The following DCAF1 variants were observed in gnomAD, a reference collection of about 807,000 sequenced individuals.
DCAF1 encodes the protein DDB1- and CUL4-associated factor 1.
Under a neutral mutation model 128.0 loss-of-function variants are expected in DCAF1, and 15 were observed. That is an observed-to-expected ratio of 0.12 (90% CI 0.08 to 0.18). The LOEUF is 0.18. DCAF1 is among the 10% of genes least tolerant of loss of function. The pLI is 1.00. For missense variants in DCAF1, 988 were observed against 1,649.5 expected, an observed-to-expected ratio of 0.60 and a Z score of 6.95; for synonymous variants, 610 against 603.0, an observed-to-expected ratio of 1.01 and a Z score of -0.17.
chr3:51,466,833 T>C lies in DCAF1; in HGVS notation c.231A>G (p.Ile77Met). 1 of 1,613,070 alleles carries C rather than the reference T, an allele frequency of 6.2e-7. No individual in the cohort carries two copies. The highest frequency in any genetic ancestry group is 1.1e-5 in the South Asian group (1 of 91,026). The change falls in exon 5 of 25, where the codon ATA (isoleucine) becomes ATG (methionine). Residue 77 changes from isoleucine (I) to methionine (M), a missense_variant. Transcript: ENST00000684031. ...PECMLGHLLR[I>M]LFKNDDFMNA... ...TCATGAAATCATCATTCTTGAAGAG[T>C]ATTCTCAGCAAGTGGCCCAGCATAC...
chr3:51,452,712 G>A (rs958502530), intron 6 of DCAF1, among the ~76,000 whole-genome samples: 3 of 152,062 alleles, frequency 2.0e-5, no homozygotes, highest in East Asian at 1.9e-4. Context: ...AAAAAGCCCC[G>A]TTAAATCATC....
At chr3:51,456,793 A>C (rs542899738) in intron 6 of DCAF1, among the ~76,000 whole-genome samples, 69 of 152,340 alleles carry the variant, frequency 4.5e-4, no homozygotes, top group African/African-American at 1.6e-3. Flanking sequence ...GCTGATACCC[A>C]GGCAAACAGG....
chr3:51,495,784 G>T (rs1553660529), intron 2 of DCAF1, among the ~76,000 whole-genome samples: 1 of 152,030 alleles, frequency 6.6e-6, no homozygotes. Context: ...TCGTTTTTTT[G>T]TGTTTGTTTT....
At chr3:51,452,466 A>G (rs144974151) in intron 6 of DCAF1, among the ~76,000 whole-genome samples, 1 of 152,314 alleles carries the variant, frequency 6.6e-6, no homozygotes, top group Non-Finnish European at 1.5e-5. Context: ...TCTGTTCTCT[A>G]AACACTGGAT....
chr3:51,405,391 A>G (rs2090034398), intron 23 of DCAF1, among the ~76,000 whole-genome samples: 3 of 152,240 alleles, frequency 2.0e-5, no homozygotes, highest in South Asian at 4.1e-4. Flanking sequence ...ACTAGATACC[A>G]TTCCAAACTC....
chr3:51,423,458 A>C, intron 13 of DCAF1, among the ~76,000 whole-genome samples: 1 of 151,112 alleles, frequency 6.6e-6, no homozygotes, highest in Middle Eastern at 3.4e-3. Context: ...GCTGAGATTG[A>C]GCCACCGCAC....
intron 3 of DCAF1, among the ~76,000 whole-genome samples, chr3:51,476,897 C>T (rs1183978592): frequency 2.0e-5 from 3 of 151,386 alleles, no homozygotes; most frequent in East Asian, 1.9e-4. Flanking sequence ...GCCTGGCCAA[C>T]GTGGTAAAAC....
In DCAF1 at chr3:51,413,973, T is replaced by C; in HGVS notation, c.3908A>G (p.His1303Arg). ...ALDQCRVVFN[H>R]TGTVMYGAML... ...ACCTCCATACATCACTGTTCCCGTGTGATTGAACACCACGCGACACTGATC... is the reference window on the plus strand; with the variant it reads ...ACCTCCATACATCACTGTTCCCGTGCGATTGAACACCACGCGACACTGATC... The change falls in exon 20 of 25, where the codon CAC becomes CGC. Residue 1303 changes from histidine (H) to arginine (R), a missense_variant. By Grantham distance (29) the His-to-Arg change is conservative (BLOSUM62 0). Around this residue, in one of 11 missense-constraint regions of DCAF1, gnomAD observed 85 missense variants for 204.6 expected, o/e 0.42. Transcript: ENST00000684031. The C allele has an allele frequency of 6.3e-7, 1 of 1,594,782 alleles. No individual in the cohort carries two copies. Among genetic ancestry groups the C allele is most frequent in the African/African-American group, 1.3e-5 (1 of 74,416 alleles).
chr3:51,420,526 C>T lies in DCAF1; in HGVS notation c.2444G>A (p.Arg815Gln). 1.2e-6 allele frequency: 2 copies of T among 1,613,878 alleles called. No individual in the cohort carries two copies. The highest frequency in any genetic ancestry group is 8.5e-7 in the Non-Finnish European group (1 of 1,179,882). The change falls in exon 15 of 25, where the codon CGG becomes CAG. Residue 815 changes from arginine (R) to glutamine (Q), a missense_variant. This residue lies in a region of DCAF1 where 76 missense variants were observed against 186.9 expected (regional missense o/e 0.41). Transcript: ENST00000684031. The surrounding 1 kb of genome is among the most constrained non-coding windows in gnomAD (Gnocchi z 6.5). ...AATGAGAAGTGGTTTTCCTGACACC[C>T]GTTCAATGAGTTCAGCAGCATACTT... ...FCKYAAELIE[R>Q]VSGKPLLIGT...
upstream of DCAF1, among the ~76,000 whole-genome samples, chr3:51,504,906 A>G (rs1708904750): frequency 6.6e-6 from 1 of 152,042 alleles, no homozygotes; most frequent in Non-Finnish European, 1.5e-5. Flanking sequence ...TGAGCCTAGG[A>G]GTTCAAGACC....
intron 3 of DCAF1, among the ~76,000 whole-genome samples, chr3:51,482,813 G>T (rs1447153505): frequency 6.7e-6 from 1 of 148,456 alleles, no homozygotes; most frequent in Admixed American, 6.8e-5. Flanking sequence ...GTTGGGAAAT[G>T]AGTCTAATTT....
At chr3:51,414,545 G>A (rs968429693) in intron 19 of DCAF1, 79 bp downstream of exon 19, 2 of 1,541,966 alleles carry the variant, frequency 1.3e-6, no homozygotes, top group Admixed American at 1.8e-5. Context: ...ACCAGGTATT[G>A]GTATAAAGAT....
Position 51,499,447 on chromosome 3 carries a change from A to G in DCAF1, c.-56+426T>C, listed in dbSNP as rs1708597838. Among the ~76,000 whole-genome samples the G allele has an allele frequency of 2.0e-5, 3 of 152,280 alleles. No individual in the cohort carries two copies. The South Asian group carries it at 6.2e-4, about 32-fold the overall frequency. ...TGACTGGAGCTGGAGGCGGAGACAC[A>G]GTCCGGGAAGGGGCCCGCCGTATAG... On this transcript the variant is annotated intron_variant, in intron 1 of 24. Transcript: ENST00000684031.
In DCAF1 at chr3:51,455,942, G is replaced by A. The variant is rs1171898080; in HGVS notation, c.375+7172C>T. ...ATCCGGGGGAGGAGCCAAGATGGCC[G>A]AATAGGAACAGCTCCCGTCTACAGC... On this transcript the variant is annotated intron_variant, in intron 6 of 24. Coordinates refer to ENST00000684031, the MANE Select transcript of DCAF1 (RefSeq NM_001387579.1). Among the ~76,000 whole-genome samples the A allele has an allele frequency of 4.6e-5, 7 of 152,008 alleles. 1 individual carries two copies. In the South Asian group the frequency reaches 6.2e-4, roughly 14 times the overall value.
chr3:51,489,850 GATA>G (rs1553657115), intron 2 of DCAF1, among the ~76,000 whole-genome samples: 3 of 149,928 alleles, frequency 2.0e-5, no homozygotes, highest in Non-Finnish European at 3.0e-5. Flanking sequence ...TAGATAGATA[GATA>G]GATAGATGGT....
chr3:51,414,614 T>C lies in DCAF1; in HGVS notation c.3837+10A>G. On this transcript the variant is annotated intron_variant, in intron 19 of 24. Transcript: ENST00000684031. ...ACAAATGGAAGGTAAGACATGAGTA[T>C]AAAGGATACAATCTCAGTATTAATG... 6.2e-7 allele frequency: 1 copy of C among 1,612,428 alleles called. No homozygotes were observed. Among genetic ancestry groups the C allele is most frequent in the Non-Finnish European group, 8.5e-7 (1 of 1,178,586 alleles).
At chr3:51,464,388 C>T in intron 5 of DCAF1, among the ~76,000 whole-genome samples, 1 of 151,880 alleles carries the variant, frequency 6.6e-6, no homozygotes, top group Non-Finnish European at 1.5e-5. Flanking sequence ...TGACACAGTC[C>T]CACCATCCCA....
At chr3:51,465,794 C>T (rs782504662) in intron 5 of DCAF1, among the ~76,000 whole-genome samples, 1 of 152,182 alleles carries the variant, frequency 6.6e-6, no homozygotes, top group Non-Finnish European at 1.5e-5. Flanking sequence ...CTAATACCTA[C>T]TGGGCCTTCA....
At chr3:51,432,082 C>T (rs1553635714) in intron 10 of DCAF1, among the ~76,000 whole-genome samples, 1 of 151,676 alleles carries the variant, frequency 6.6e-6, no homozygotes, top group Non-Finnish European at 1.5e-5. Flanking sequence ...ACCAGCCTGG[C>T]CAACGTGCTG....
Sources: gnomAD v4.1 joint callset for allele counts (sites outside exome capture counted in the v4.1 genomes callset) on GRCh38, gnomAD v4.1.1 for gene constraint, gnomAD v4.1.1 regional missense constraint, Gnocchi (gnomAD v3.1) non-coding constraint, MANE v1.5 for transcripts, NCBI Gene and HGNC (gene_info 2026-07-23, HGNC 2026-07-21) for gene names.